Variants in ABCG1 observed in about 807,000 individuals in gnomAD.
ABCG1 encodes ATP-binding cassette sub-family G member 1.
A neutral mutation model predicts 69.2 loss-of-function variants in ABCG1; 29 were observed. The ratio of observed to expected loss-of-function variants is 0.42; its 90% CI spans 0.31 to 0.57. The LOEUF (loss-of-function observed/expected upper bound fraction) is 0.57, where lower values mean the gene tolerates loss of function less well. Among genes scored for constraint, ABCG1 ranks in the 20% least tolerant of loss-of-function variants. The probability of loss-of-function intolerance (pLI) is 0.15; values close to 1 mark genes in which losing one functional copy is unlikely to be tolerated. For missense variants in ABCG1, 718 were observed against 898.1 expected (o/e 0.80, Z 2.56); for synonymous variants, 370 against 374.8 (o/e 0.99, Z 0.15).
intron 2 of ABCG1, among the ~76,000 whole-genome samples, chr21:42,268,628 T>C (rs2068560351): frequency 6.6e-6 from 1 of 152,108 alleles, no homozygotes; most frequent in Non-Finnish European, 1.5e-5. Context: ...GAAAAATAAG[T>C]TTCTAATATT....
chr21:42,260,899 A>G (rs1601406921), intron 2 of ABCG1, among the ~76,000 whole-genome samples: 1 of 151,308 alleles, frequency 6.6e-6, no homozygotes, highest in African/African-American at 2.4e-5. Context: ...GCTCACTGCA[A>G]CCTCCTCCGC....
intron 1 of ABCG1, chr21:42,220,127 A>T: frequency 7.6e-7 from 1 of 1,318,718 alleles, no homozygotes; most frequent in South Asian, 1.3e-5. Context: ...ACCAATCATC[A>T]GGCCCCCAGC....
At chr21:42,214,589 C>T (rs1204586432), upstream of ABCG1, among the ~76,000 whole-genome samples, 2 of 152,238 alleles carry the variant, frequency 1.3e-5, no homozygotes, top group African/African-American at 4.8e-5. Flanking sequence ...TTGTCCCGGC[C>T]TGGGATGACG....
At chr21:42,239,740 C>T (rs1238314404) in intron 2 of ABCG1, among the ~76,000 whole-genome samples, 1 of 152,234 alleles carries the variant, frequency 6.6e-6, no homozygotes, top group Non-Finnish European at 1.5e-5. Context: ...GACCCATGCT[C>T]CTAGAGCCAG....
chr21:42,260,888 A>G (rs1362745662), intron 2 of ABCG1, among the ~76,000 whole-genome samples: 4 of 150,994 alleles, frequency 2.6e-5, no homozygotes, highest in Non-Finnish European at 4.4e-5. Flanking sequence ...GCACCATCTC[A>G]GCTCACTGCA....
chr21:42,271,403 A>T (rs970828297), intron 3 of ABCG1, among the ~76,000 whole-genome samples: 1 of 152,252 alleles, frequency 6.6e-6, no homozygotes, highest in East Asian at 1.9e-4. Flanking sequence ...GACAGTGGCC[A>T]CAGCAGCACC....
rs145311438 is a variant in ABCG1, at chr21:42,288,810, G to A, written c.1224+498G>A. On this transcript the variant is annotated intron_variant, in intron 10 of 14. Transcript: ENST00000398449. The surrounding 1 kb of genome is among the most constrained non-coding windows in gnomAD (Gnocchi z 4.8). ...AAGAAAGAAAGAAAGAAATGCCTGA[G>A]CCTGGGGAATTTATAAAGAAAAGAG... 4.8e-4 allele frequency among the ~76,000 whole-genome samples: 73 copies of A among 152,318 alleles called. No individual in the cohort carries two copies. Among genetic ancestry groups the A allele is most frequent in the African/African-American group, 1.8e-3 (73 of 41,574 alleles).
At position 42,286,787 on chromosome 21, in the gene ABCG1, G is replaced by A. The variant is rs1216523465; in HGVS notation, c.973+793G>A. On this transcript the variant is annotated intron_variant, in intron 8 of 14. Coordinates refer to ENST00000398449, the MANE Select transcript of ABCG1 (RefSeq NM_016818.3). The stretch of plus-strand genomic sequence containing the variant: ...TGCGTGGGGATGCAGAGAGGTCCTG[G>A]AGAGATGAGGGCATTCCCTTCTGGG... 2.6e-5 allele frequency among the ~76,000 whole-genome samples: 4 copies of A among 152,226 alleles called. No homozygotes were observed. The East Asian group carries it at 7.7e-4, about 29-fold the overall frequency.
At chr21:42,260,153 G>A (rs1300944738) in intron 2 of ABCG1, 3 of 1,550,630 alleles carry the variant, frequency 1.9e-6, no homozygotes, top group Non-Finnish European at 2.6e-6. Flanking sequence ...AGGATGAGTT[G>A]TGTTGCTTCT....
chr21:42,225,976 T>C, intron 2 of ABCG1, 62 bp downstream of exon 2: 2 of 1,575,636 alleles, frequency 1.3e-6, no homozygotes, highest in South Asian at 2.3e-5. Flanking sequence ...GGCAACAGGT[T>C]GTTTGGGCAA....
At chr21:42,261,788 A>G (rs1173324205) in intron 2 of ABCG1, among the ~76,000 whole-genome samples, 1 of 152,228 alleles carries the variant, frequency 6.6e-6, no homozygotes, top group African/African-American at 2.4e-5. Context: ...ATTTATGTTT[A>G]TGGCGTACTT....
At chr21:42,283,042 G>A (rs570873110) in intron 6 of ABCG1, among the ~76,000 whole-genome samples, 27 of 152,302 alleles carry the variant, frequency 1.8e-4, no homozygotes, top group African/African-American at 4.8e-4. Flanking sequence ...GGTTGAGCTC[G>A]CCTGACTCCT....
intron 4 of ABCG1, among the ~76,000 whole-genome samples, chr21:42,274,161 C>T (rs1367668853): frequency 6.6e-6 from 1 of 152,190 alleles, no homozygotes; most frequent in Non-Finnish European, 1.5e-5. Context: ...ATCTGCAAGA[C>T]CGTATGGGGT....
intron 2 of ABCG1, chr21:42,259,197 C>A: frequency 7.0e-7 from 1 of 1,421,826 alleles, no homozygotes; most frequent in Non-Finnish European, 9.2e-7. Context: ...CATTGCGTTC[C>A]CAGATGTCGC....
intron 7 of ABCG1, among the ~76,000 whole-genome samples, chr21:42,285,386 G>A (rs1290691572): frequency 2.0e-5 from 3 of 151,862 alleles, no homozygotes; most frequent in African/African-American, 7.3e-5. Flanking sequence ...CACTCCTATA[G>A]TCCCAGCTAC....
Position 42,200,994 on chromosome 21 carries a change from G to A in ABCG1, c.-99-583G>A, listed in dbSNP as rs150442239. 2.5e-3 allele frequency among the ~76,000 whole-genome samples: 380 copies of A among 152,106 alleles called. 4 individuals are homozygous for A. The highest frequency in any genetic ancestry group is 8.5e-3 in the African/African-American group (354 of 41,504). Reference sequence around the variant, plus strand: ...GTGCAGGTTTGTTACATAGGTAAACGTGTGCCATGGTGGTTTGCTGCACCT... The same window carrying A: ...GTGCAGGTTTGTTACATAGGTAAACATGTGCCATGGTGGTTTGCTGCACCT... On this transcript the variant is annotated intron_variant, in intron 1 of 15. Coordinates refer to the ABCG1 transcript ENST00000398457.
At chr21:42,208,587 G>T (rs142980111) in intron 2 of ABCG1, among the ~76,000 whole-genome samples, 16 of 152,316 alleles carry the variant, frequency 1.1e-4, no homozygotes, top group African/African-American at 3.8e-4. Context: ...ATACCTGATA[G>T]CAGTGAACGT....
chr21:42,226,631 T>G (rs966196111), intron 2 of ABCG1, among the ~76,000 whole-genome samples: 14 of 152,186 alleles, frequency 9.2e-5, no homozygotes, highest in Non-Finnish European at 1.6e-4. Flanking sequence ...GGTTGGTGTG[T>G]TTTTTTCAAG....
At chr21:42,238,606 G>A (rs950108887) in intron 2 of ABCG1, among the ~76,000 whole-genome samples, 1 of 152,192 alleles carries the variant, frequency 6.6e-6, no homozygotes, top group Non-Finnish European at 1.5e-5. Flanking sequence ...TTATATTTCA[G>A]TATCTACATT....
Sources: gnomAD v4.1 joint callset for allele counts (sites outside exome capture counted in the v4.1 genomes callset) on GRCh38, gnomAD v4.1.1 for gene constraint, Gnocchi (gnomAD v3.1) non-coding constraint, MANE v1.5 for transcripts, NCBI Gene and HGNC (gene_info 2026-07-23, HGNC 2026-07-21) for gene names.